ALPK2: variants seen among roughly 807,000 people sequenced by gnomAD.
ALPK2 encodes the protein alpha-protein kinase 2.
ALPK2 carries 127 observed loss-of-function variants against 163.1 expected under a neutral mutation model. That is an observed-to-expected ratio of 0.78 (90% CI 0.67 to 0.90). ALPK2 has a LOEUF of 0.90. Ranked by LOEUF, ALPK2 falls within the 40% of genes least tolerant of loss-of-function variation. ALPK2 has a pLI of 0.00. For synonymous variants in ALPK2, 953 were observed against 959.1 expected, an observed-to-expected ratio of 0.99 and a Z score of 0.12; for missense variants, 2,360 against 2,589.6, an observed-to-expected ratio of 0.91 and a Z score of 1.92.
chr18:58,562,334 C>T (rs1334598584), intron 4 of ALPK2, among the ~76,000 whole-genome samples: 1 of 152,240 alleles, frequency 6.6e-6, no homozygotes, highest in Non-Finnish European at 1.5e-5. Flanking sequence ...AAAAATTTAC[C>T]TCCAAGATGG....
At chr18:58,509,332 C>T (rs1038048823) in intron 10 of ALPK2, among the ~76,000 whole-genome samples, 4 of 152,128 alleles carry the variant, frequency 2.6e-5, no homozygotes, top group African/African-American at 7.2e-5. Context: ...TGAATAGTGC[C>T]GCAATAAACA....
chr18:58,498,980 T>C (rs1377298619), intron 11 of ALPK2, among the ~76,000 whole-genome samples: 1 of 152,216 alleles, frequency 6.6e-6, no homozygotes, highest in Non-Finnish European at 1.5e-5. Flanking sequence ...ATATGATTTC[T>C]CATTTCCATA....
chr18:58,626,883 C>CAA (rs10715073), intron 1 of ALPK2, among the ~76,000 whole-genome samples: 1 of 140,640 alleles, frequency 7.1e-6, no homozygotes, highest in Non-Finnish European at 1.5e-5. Flanking sequence ...AAAGTTTTAG[C>CAA]AAAAAAAAAA....
At chr18:58,506,485 T>C (rs2051462723) in intron 10 of ALPK2, among the ~76,000 whole-genome samples, 1 of 152,060 alleles carries the variant, frequency 6.6e-6, no homozygotes. Context: ...CACATCTGCC[T>C]CCTCTCAGTG....
In ALPK2 at chr18:58,578,984, C is replaced by G; in HGVS notation, c.1792G>C (p.Asp598His). Residue 598 changes from aspartate (D) to histidine (H), a missense_variant, in exon 4 of 13, where the codon GAT becomes CAT. Physicochemically the swap from Asp to His is moderately conservative, Grantham distance 81. Coordinates refer to ENST00000361673, the MANE Select transcript of ALPK2 (RefSeq NM_052947.4). Reference sequence around the variant, plus strand: ...GTTGAAATAGCACATTCTCTTGCATCAGCATGGGAACTCCGACCAGTCGCT... The same window carrying G: ...GTTGAAATAGCACATTCTCTTGCATGAGCATGGGAACTCCGACCAGTCGCT... Reference protein sequence around the residue: ...AAATGRSSHADARECAISTQA... With the variant: ...AAATGRSSHAHARECAISTQA... The G allele has an allele frequency of 6.2e-7, 1 of 1,614,222 alleles. No individual in the cohort carries two copies. The highest frequency in any genetic ancestry group is 8.5e-7 in the Non-Finnish European group (1 of 1,180,036).
intron 12 of ALPK2, among the ~76,000 whole-genome samples, chr18:58,487,821 A>C (rs2051347697): frequency 6.6e-6 from 1 of 152,222 alleles, no homozygotes; most frequent in African/African-American, 2.4e-5. Flanking sequence ...CAGGAATACA[A>C]GACCAGCCTG....
chr18:58,537,870 C>G lies in ALPK2; in HGVS notation c.2317G>C (p.Ala773Pro). Residue 773 changes from alanine to proline, a missense_variant, in exon 5 of 13, where the codon GCT becomes CCT. By Grantham distance (27) the Ala-to-Pro change is conservative. Transcript: ENST00000361673. ...DARADFREPVAVSVASPEPTD... is the reference protein window; with the variant it reads ...DARADFREPVPVSVASPEPTD... ...GGTTCAGGGGAAGCAACAGAGACAG[C>G]CACAGGCTCCCTGAAGTCAGCACGA... 1 of 1,614,152 alleles carries G rather than the reference C, an allele frequency of 6.2e-7. No homozygotes were observed. Among genetic ancestry groups the G allele is most frequent in the Non-Finnish European group, 8.5e-7 (1 of 1,180,018 alleles).
intron 10 of ALPK2, among the ~76,000 whole-genome samples, chr18:58,509,038 C>T (rs2051475968): frequency 3.3e-5 from 4 of 120,378 alleles, no homozygotes; most frequent in Admixed American, 1.8e-4. Flanking sequence ...TCCCCCCTCC[C>T]CCCACCCCAC....
chr18:58,538,604 A>G (rs759573730), intron 4 of ALPK2: 3 of 189,884 alleles, frequency 1.6e-5, no homozygotes, highest in Admixed American at 5.4e-5. Context: ...ATCTCACATG[A>G]TCATAATAAA....
At chr18:58,524,171 A>G (rs148486284) in intron 6 of ALPK2, 109 bp from the exon 7 acceptor site, 3 of 1,432,774 alleles carry the variant, frequency 2.1e-6, no homozygotes, top group Non-Finnish European at 2.8e-6. Flanking sequence ...ACATGTTTTC[A>G]GCCAGTGAGC....
intron 4 of ALPK2, among the ~76,000 whole-genome samples, chr18:58,541,029 C>T (rs767155790): frequency 7.9e-5 from 12 of 152,178 alleles, no homozygotes; most frequent in South Asian, 2.1e-4. Context: ...AGTATCATGC[C>T]GTGATTTACA....
chr18:58,482,021 G>T lies in ALPK2; in HGVS notation c.6315C>A (p.Gly2105=). The T allele has an allele frequency of 6.2e-7, 1 of 1,613,862 alleles. No individual in the cohort carries two copies. Among genetic ancestry groups the T allele is most frequent in the Non-Finnish European group, 8.5e-7 (1 of 1,179,764 alleles). ...GATCAATGAAGGTCATGGAACAGTT[G>T]CCTTTAAATCCCTTGTACCTGTGAG... The part of the protein sequence containing the change: ...TLAKGYKGFK[G]NCSMTFIDQF... The change falls in exon 13 of 13, where the codon GGC becomes GGA. Residue 2105 remains glycine, a synonymous_variant. Coordinates refer to ENST00000361673, the MANE Select transcript of ALPK2 (RefSeq NM_052947.4).
chr18:58,559,338 A>G (rs1416147526), intron 4 of ALPK2, among the ~76,000 whole-genome samples: 5 of 152,274 alleles, frequency 3.3e-5, no homozygotes, highest in East Asian at 1.9e-4. Context: ...TCTGGCCCAC[A>G]ATATTGTAGT....
At chr18:58,512,694 G>A (rs1406393945) in intron 10 of ALPK2, among the ~76,000 whole-genome samples, 3 of 146,166 alleles carry the variant, frequency 2.1e-5, no homozygotes, top group Non-Finnish European at 4.6e-5. Context: ...TGGTATGTTC[G>A]TGTGGTGTGT....
At chr18:58,578,731 G>A in intron 4 of ALPK2, 83 bp downstream of exon 4, 1 of 104,232 alleles carries the variant, frequency 9.6e-6, no homozygotes, top group Non-Finnish European at 1.2e-5. Flanking sequence ...AGTAAAGGAA[G>A]AGACACACAC....
chr18:58,531,671 G>C (rs1200210817), intron 5 of ALPK2, among the ~76,000 whole-genome samples: 1 of 136,294 alleles, frequency 7.3e-6, no homozygotes, highest in East Asian at 2.1e-4. Context: ...AAAAAAGGAC[G>C]GGCATGCGGG....
chr18:58,575,519 G>A (rs530920664), intron 4 of ALPK2, among the ~76,000 whole-genome samples: 3 of 152,326 alleles, frequency 2.0e-5, no homozygotes, highest in African/African-American at 7.2e-5. Context: ...CCTCTGGGGC[G>A]AACCTGGGCA....
intron 4 of ALPK2, chr18:58,578,591 G>C (rs2051934067): frequency 2.1e-6 from 1 of 483,248 alleles, no homozygotes; most frequent in Non-Finnish European, 3.6e-6. Flanking sequence ...GGATGGCTTA[G>C]GGTTTATCTG....
chr18:58,539,259 A>G (rs1474925136), intron 4 of ALPK2, among the ~76,000 whole-genome samples: 2 of 152,206 alleles, frequency 1.3e-5, no homozygotes, highest in Admixed American at 6.5e-5. Context: ...CAGACTTTAA[A>G]ATAGATGCCC....
Sources: allele counts gnomAD v4.1 joint callset (sites outside exome capture counted in the v4.1 genomes callset), GRCh38; gene constraint gnomAD v4.1.1; transcripts MANE v1.5; gene names NCBI Gene and HGNC (gene_info 2026-07-23, HGNC 2026-07-21).